The following CDKL4 variants were observed in gnomAD, a reference collection of about 807,000 sequenced individuals.
CDKL4 encodes the protein cyclin-dependent kinase-like 4.
CDKL4 carries 44 observed loss-of-function variants against 42.0 expected under a neutral mutation model. That is an observed-to-expected ratio of 1.05 (90% CI 0.82 to 1.35). CDKL4 has a LOEUF of 1.35. Ranked by LOEUF, CDKL4 falls within the 40% of genes most tolerant of loss-of-function variation. CDKL4 has a pLI of 0.00. For missense variants in CDKL4, 393 were observed against 369.9 expected, an observed-to-expected ratio of 1.06 and a Z score of -0.51; for synonymous variants, 120 against 121.6, an observed-to-expected ratio of 0.99 and a Z score of 0.09.
intron 3 of CDKL4, among the ~76,000 whole-genome samples, chr2:39,222,387 C>T (rs187047369): frequency 5.9e-5 from 9 of 151,956 alleles, no homozygotes; most frequent in Admixed American, 1.3e-4. Context: ...GTTAGGAGTT[C>T]GAGAGCAGCC....
downstream of CDKL4, among the ~76,000 whole-genome samples, chr2:39,172,583 TTTTC>T (rs1318896703): frequency 1.3e-5 from 2 of 152,172 alleles, no homozygotes; most frequent in African/African-American, 4.8e-5. Context: ...CTGATTTTTC[TTTTC>T]TTTCTTTTTT....
At chr2:39,178,641 T>G in intron 9 of CDKL4, 1 of 1,589,034 alleles carries the variant, frequency 6.3e-7, no homozygotes, top group South Asian at 1.1e-5. Context: ...CACCATACTG[T>G]TCTGCAATAT....
At chr2:39,234,535 G>T (rs977429556) in intron 1 of CDKL4, among the ~76,000 whole-genome samples, 1 of 152,030 alleles carries the variant, frequency 6.6e-6, no homozygotes, top group African/African-American at 2.4e-5. Context: ...CAATGAAACA[G>T]AATCAATAGT....
At chr2:39,181,534 G>A (rs1463655894) in intron 8 of CDKL4, among the ~76,000 whole-genome samples, 1 of 151,896 alleles carries the variant, frequency 6.6e-6, no homozygotes, top group Non-Finnish European at 1.5e-5. Flanking sequence ...GAGTTGTATC[G>A]CCGCAAAAAT....
intron 1 of CDKL4, among the ~76,000 whole-genome samples, chr2:39,237,744 A>G (rs1024119928): frequency 6.6e-6 from 1 of 152,256 alleles, no homozygotes; most frequent in South Asian, 2.1e-4. Context: ...ATATTTTTTT[A>G]AAAAAGAAAA....
At chr2:39,217,470 G>A (rs56755150) in intron 3 of CDKL4, among the ~76,000 whole-genome samples, 2,034 of 152,264 alleles carry the variant, frequency 0.013, 30 homozygotes, top group African/African-American at 0.046. Flanking sequence ...TTATAAAAAC[G>A]TAATAGGGGA....
At chr2:39,224,994 T>C (rs765902908) in intron 3 of CDKL4, among the ~76,000 whole-genome samples, 10 of 152,230 alleles carry the variant, frequency 6.6e-5, no homozygotes, top group Non-Finnish European at 1.3e-4. Flanking sequence ...GTTTTGTTTT[T>C]CTTATTACAT....
At chr2:39,242,068 C>A (rs868357812) in intron 1 of CDKL4, among the ~76,000 whole-genome samples, 21 of 148,404 alleles carry the variant, frequency 1.4e-4, no homozygotes, top group African/African-American at 5.0e-4. Flanking sequence ...TTAACTGAGA[C>A]AGGGTCTCGC....
upstream of CDKL4, among the ~76,000 whole-genome samples, chr2:39,244,883 G>A (rs867585054): frequency 2.0e-5 from 3 of 152,094 alleles, no homozygotes; most frequent in African/African-American, 7.2e-5. Flanking sequence ...TGCACCAGTC[G>A]ACACTCTGTA....
At chr2:39,221,598 A>T (rs966006975) in intron 3 of CDKL4, among the ~76,000 whole-genome samples, 1 of 152,232 alleles carries the variant, frequency 6.6e-6, no homozygotes, top group Non-Finnish European at 1.5e-5. Flanking sequence ...GCATTACTCC[A>T]TGCATAATAG....
chr2:39,174,673 G>A (rs528129060), downstream of CDKL4, among the ~76,000 whole-genome samples: 35 of 152,188 alleles, frequency 2.3e-4, no homozygotes, highest in African/African-American at 8.2e-4. Flanking sequence ...ACACGGGAGC[G>A]GAAATGAGTT....
downstream of CDKL4, among the ~76,000 whole-genome samples, chr2:39,171,123 C>A (rs953338091): frequency 3.3e-5 from 5 of 151,740 alleles, no homozygotes; most frequent in African/African-American, 1.2e-4. Flanking sequence ...CCTGTAATCC[C>A]AGCTATTCGG....
At chr2:39,229,428 A>G in exon 2 of CDKL4, 1 of 1,613,262 alleles carries the variant, frequency 6.2e-7, no homozygotes, top group East Asian at 2.2e-5. Flanking sequence ...CAGATTCCAC[A>G]AATTTTTTAA....
Position 39,196,105 on chromosome 2 carries a change from A to AC in CDKL4, c.455-5604dup, listed in dbSNP as rs1174593889. On this transcript the variant is annotated intron_variant, in intron 5 of 9. Coordinates refer to ENST00000451199, the Ensembl canonical transcript of CDKL4. ...TATGGCCCCACCCACTGCCTGATCCACCCTATGCTACCGCAGCTGATGTGC... is the reference window on the plus strand; with the variant it reads ...TATGGCCCCACCCACTGCCTGATCCACCCCTATGCTACCGCAGCTGATGTGC... 1.1e-4 allele frequency among the ~76,000 whole-genome samples: 16 copies of AC among 152,212 alleles called. No homozygotes were observed. In the East Asian group the frequency reaches 2.9e-3, roughly 28 times the overall value.
At chr2:39,185,443 TGTATATATAC>T (rs1675771739) in intron 7 of CDKL4, among the ~76,000 whole-genome samples, 1 of 51,972 alleles carries the variant, frequency 1.9e-5, no homozygotes, top group African/African-American at 5.3e-5. Context: ...TATATATACA[TGTATATATAC>T]ATATGTGTAT....
At chr2:39,209,695 C>G (rs1477156289) in intron 4 of CDKL4, among the ~76,000 whole-genome samples, 1 of 152,068 alleles carries the variant, frequency 6.6e-6, no homozygotes, top group Non-Finnish European at 1.5e-5. Context: ...TTTAGGATCT[C>G]GACTCTGGAG....
intron 2 of CDKL4, among the ~76,000 whole-genome samples, chr2:39,227,005 C>G (rs1209642256): frequency 6.6e-6 from 1 of 152,072 alleles, no homozygotes; most frequent in Non-Finnish European, 1.5e-5. Flanking sequence ...AGGCTGGTCT[C>G]AAACTGCTGA....
intron 3 of CDKL4, among the ~76,000 whole-genome samples, chr2:39,217,579 A>T (rs1458519113): frequency 1.3e-5 from 2 of 152,140 alleles, no homozygotes; most frequent in Non-Finnish European, 2.9e-5. Context: ...ATGGCCTACA[A>T]GGCTGTTAAT....
chr2:39,240,472 C>T (rs150949780), intron 1 of CDKL4, among the ~76,000 whole-genome samples: 6 of 150,546 alleles, frequency 4.0e-5, no homozygotes, highest in African/African-American at 1.5e-4. Context: ...TCCTCAGTAT[C>T]TATCCAGGAA....
Sources: allele counts gnomAD v4.1 joint callset (sites outside exome capture counted in the v4.1 genomes callset), GRCh38; gene constraint gnomAD v4.1.1; transcripts MANE v1.5; gene names NCBI Gene and HGNC (gene_info 2026-07-23, HGNC 2026-07-21).